The following PHOSPHO2 variants were observed in gnomAD, a reference collection of about 807,000 sequenced individuals.
The protein encoded by PHOSPHO2 is phosphatase, orphan 2.
A neutral mutation model predicts 16.4 loss-of-function variants in PHOSPHO2; 14 were observed. That is an observed-to-expected ratio of 0.85 (90% CI 0.56 to 1.33). The LOEUF (loss-of-function observed/expected upper bound fraction) is 1.33, where lower values mean the gene tolerates loss of function less well. Among genes scored for constraint, PHOSPHO2 ranks in the 40% most tolerant of loss-of-function variants. The pLI is 0.00. For synonymous variants in PHOSPHO2, 85 were observed against 90.5 expected, an observed-to-expected ratio of 0.94 and a Z score of 0.34; for missense variants, 246 against 282.5, an observed-to-expected ratio of 0.87 and a Z score of 0.93.
chr2:169,699,685 C>CA (rs1687676231), intron 3 of PHOSPHO2, among the ~76,000 whole-genome samples: 1 of 152,126 alleles, frequency 6.6e-6, no homozygotes, highest in South Asian at 2.1e-4. Context: ...ACCTTGCCAG[C>CA]ATCTGTTATT....
At chr2:169,699,710 T>C (rs185185900) in intron 3 of PHOSPHO2, among the ~76,000 whole-genome samples, 1 of 152,340 alleles carries the variant, frequency 6.6e-6, no homozygotes, top group African/African-American at 2.4e-5. Context: ...GGCTTTTTAA[T>C]AATAGCCATT....
chr2:169,701,034 G>C lies in PHOSPHO2; in HGVS notation c.63G>C (p.Trp21Cys). The C allele has an allele frequency of 6.2e-7, 1 of 1,613,484 alleles. No homozygotes were observed. Among genetic ancestry groups the C allele is most frequent in the Non-Finnish European group, 8.5e-7 (1 of 1,179,922 alleles). ...NTIIDDNSDTWIVQCAPNKKL... is the reference protein window; with the variant it reads ...NTIIDDNSDTCIVQCAPNKKL... ...TCATAGATGACAATAGTGACACTTG[G>C]ATTGTACAATGTGCTCCCAACAAAA... is the stretch of plus-strand genomic sequence containing the variant. The change falls in exon 4 of 4, where the codon TGG (tryptophan) becomes TGC (cysteine). Residue 21 changes from tryptophan (W) to cysteine (C), a missense_variant. By Grantham distance (215) the Trp-to-Cys change is radical (BLOSUM62 -2). Transcript: ENST00000359744.
At chr2:169,696,741 G>T (rs1687551802) in intron 2 of PHOSPHO2, among the ~76,000 whole-genome samples, 1 of 152,096 alleles carries the variant, frequency 6.6e-6, no homozygotes, top group Non-Finnish European at 1.5e-5. Context: ...TTAATTTTTG[G>T]AGACATTTTA....
In PHOSPHO2 at chr2:169,701,326, G is replaced by C; in HGVS notation, c.355G>C (p.Asp119His). The change falls in exon 4 of 4, where the codon GAT (aspartate) becomes CAT (histidine). Residue 119 changes from aspartate to histidine, a missense_variant. Coordinates refer to ENST00000359744, the MANE Select transcript of PHOSPHO2 (RefSeq NM_001008489.4). ...AGCTGCCAGTTTTCATGACATATTT[G>C]ATAAAGTGTTTACAAATCCAGCAGC... ...LEAASFHDIF[D>H]KVFTNPAAFN... 2 of 1,612,802 alleles carry C rather than the reference G, an allele frequency of 1.2e-6. No homozygotes were observed. Among genetic ancestry groups the C allele is most frequent in the Non-Finnish European group, 1.7e-6 (2 of 1,179,594 alleles).
intron 3 of PHOSPHO2, among the ~76,000 whole-genome samples, chr2:169,699,535 A>G (rs1432546655): frequency 4.6e-5 from 7 of 152,150 alleles, no homozygotes; most frequent in African/African-American, 9.7e-5. Context: ...TTGGGTATAT[A>G]CCCAGTAATG....
intron 2 of PHOSPHO2, among the ~76,000 whole-genome samples, chr2:169,696,124 A>G (rs1307797089): frequency 2.0e-5 from 3 of 152,208 alleles, no homozygotes; most frequent in Non-Finnish European, 2.9e-5. Flanking sequence ...CCAATTTGAC[A>G]TGGTGGTCAG....
At chr2:169,700,855 A>G in intron 3 of PHOSPHO2, 91 bp from the exon 4 acceptor site, 1 of 1,243,212 alleles carries the variant, frequency 8.0e-7, no homozygotes, top group Non-Finnish European at 1.1e-6. Flanking sequence ...TCCCTTTAGC[A>G]GATTAACATT....
Position 169,701,361 on chromosome 2 carries a change from C to G in PHOSPHO2, c.390C>G (p.Ser130Arg), listed in dbSNP as rs1187742019. The G allele has an allele frequency of 6.2e-7, 1 of 1,613,416 alleles. No individual in the cohort carries two copies. The highest frequency in any genetic ancestry group is 1.3e-5 in the African/African-American group (1 of 74,892). ...TTACAAATCCAGCAGCTTTTAATAGCAATGGTCATCTCACTGTTGAAAATT... is the reference window on the plus strand; with the variant it reads ...TTACAAATCCAGCAGCTTTTAATAGGAATGGTCATCTCACTGTTGAAAATT... ...KVFTNPAAFN[S>R]NGHLTVENYH... The change falls in exon 4 of 4, where the codon AGC (serine) becomes AGG (arginine). Residue 130 changes from serine (S) to arginine (R), a missense_variant. By Grantham distance (110) the Ser-to-Arg change is moderately radical. Transcript: ENST00000359744.
chr2:169,699,994 G>A (rs890971237), intron 3 of PHOSPHO2, among the ~76,000 whole-genome samples: 1 of 152,152 alleles, frequency 6.6e-6, no homozygotes, highest in African/African-American at 2.4e-5. Flanking sequence ...GGAGCTAAAG[G>A]TGTAAGAGAA....
intron 1 of PHOSPHO2, among the ~76,000 whole-genome samples, 198 bp from the exon 2 acceptor site, chr2:169,695,017 G>A (rs1687462314): frequency 6.6e-6 from 1 of 152,184 alleles, no homozygotes; most frequent in African/African-American, 2.4e-5. Flanking sequence ...CATGACCACA[G>A]AAATCTGTTA....
Position 169,701,046 on chromosome 2 carries a change from T to C in PHOSPHO2, c.75T>C (p.Cys25=). 2 of 1,613,816 alleles carry C rather than the reference T, an allele frequency of 1.2e-6. No homozygotes were observed. The highest frequency in any genetic ancestry group is 2.2e-5 in the South Asian group (2 of 91,066). Residue 25 remains cysteine (C), a synonymous_variant, in exon 4 of 4, where the codon TGT becomes TGC. Transcript: ENST00000359744. Reference sequence around the variant, plus strand: ...ATAGTGACACTTGGATTGTACAATGTGCTCCCAACAAAAAGCTTCCTATTG... The same window carrying C: ...ATAGTGACACTTGGATTGTACAATGCGCTCCCAACAAAAAGCTTCCTATTG... ...DDNSDTWIVQ[C]APNKKLPIEL...
At position 169,701,252 on chromosome 2, in the gene PHOSPHO2, G is replaced by T. The variant is rs1250121933; in HGVS notation, c.281G>T (p.Cys94Phe). 6.2e-7 allele frequency: 1 copy of T among 1,613,748 alleles called. No homozygotes were observed. The highest frequency in any genetic ancestry group is 1.1e-5 in the South Asian group (1 of 90,992). ...AGAAAGAATAAGGATAAATTTGACT[G>T]CATTATTATTTCAGATTCAAATTCG... ...FIRKNKDKFD[C>F]IIISDSNSVF... Residue 94 changes from cysteine to phenylalanine, a missense_variant, in exon 4 of 4, where the codon TGC becomes TTC. Coordinates refer to ENST00000359744, the MANE Select transcript of PHOSPHO2 (RefSeq NM_001008489.4).
chr2:169,694,575 C>T lies in PHOSPHO2; in HGVS notation c.-278C>T, dbSNP rs569584617. On this transcript the variant is annotated 5_prime_UTR_variant, in exon 1 of 4. Coordinates refer to ENST00000359744, the MANE Select transcript of PHOSPHO2 (RefSeq NM_001008489.4). The stretch of plus-strand genomic sequence containing the variant: ...GTGGGGCGAGGCCAAAGGACTGAAC[C>T]CGCAGGAGCGTCACGGGCGCCGGGG... The T allele has an allele frequency of 6.9e-6, 4 of 577,566 alleles. No individual in the cohort carries two copies. The highest frequency in any genetic ancestry group is 1.2e-5 in the Non-Finnish European group (4 of 321,958). 35.8% of individuals were successfully genotyped at this position (577,566 alleles called of 1,614,324 possible). A position where few individuals can be genotyped will look rare whatever the true frequency, so the allele number is the denominator to read the frequency against.
rs147796452 is a variant in PHOSPHO2 at position 169,701,566 on chromosome 2, C to A, written c.595C>A (p.Arg199=). The A allele has an allele frequency of 1.4e-3, 2,287 of 1,612,704 alleles. 32 individuals carry two copies. The South Asian group carries it at 0.015, about 10-fold the overall frequency. Residue 199 remains arginine (R), a synonymous_variant, in exon 4 of 4, where the codon CGG becomes AGG. Coordinates refer to ENST00000359744, the MANE Select transcript of PHOSPHO2 (RefSeq NM_001008489.4). ...AAAGAATGATGATGTTGCCATGCCA[C>A]GGAAAGGATATACCTTACAGAAAAC... The part of the protein sequence containing the change: ...FLKNDDVAMP[R]KGYTLQKTLS...
intron 2 of PHOSPHO2, among the ~76,000 whole-genome samples, chr2:169,695,621 G>C (rs1304700592): frequency 1.3e-5 from 2 of 149,238 alleles, no homozygotes; most frequent in Non-Finnish European, 3.0e-5. Flanking sequence ...CTGGGCGACA[G>C]AGCGAGACTC....
rs1687451464 is a variant in PHOSPHO2, at chr2:169,694,806, T to G, written c.-231+184T>G. 1.3e-5 allele frequency: 3 copies of G among 222,834 alleles called. No individual in the cohort carries two copies. In the South Asian group the frequency reaches 2.0e-4, roughly 15 times the overall value. 13.8% of individuals were successfully genotyped at this position (222,834 alleles called of 1,614,324 possible). A position where few individuals can be genotyped will look rare whatever the true frequency, so the allele number is the denominator to read the frequency against. ...CGCAGATCTCCTCGCGGGTGGAGTG[T>G]GAGGAGCAAAGCCCTCCCTTAACTA... On this transcript the variant is annotated intron_variant, in intron 1 of 3. Transcript: ENST00000359744.
At position 169,701,282 on chromosome 2, in the gene PHOSPHO2, T is replaced by C; in HGVS notation, c.311T>C (p.Phe104Ser). 6.2e-7 allele frequency: 1 copy of C among 1,613,342 alleles called. No individual in the cohort carries two copies. The highest frequency in any genetic ancestry group is 8.5e-7 in the Non-Finnish European group (1 of 1,179,664). Residue 104 changes from phenylalanine (F) to serine (S), a missense_variant, in exon 4 of 4, where the codon TTC becomes TCC. Transcript: ENST00000359744. ...CIIISDSNSV[F>S]IDWVLEAASF... Reference sequence around the variant, plus strand: ...ATTATTTCAGATTCAAATTCGGTCTTCATAGATTGGGTTTTAGAAGCTGCC... The same window carrying C: ...ATTATTTCAGATTCAAATTCGGTCTCCATAGATTGGGTTTTAGAAGCTGCC...
chr2:169,696,976 C>G (rs754761445), intron 2 of PHOSPHO2, among the ~76,000 whole-genome samples: 5 of 151,712 alleles, frequency 3.3e-5, no homozygotes, highest in African/African-American at 4.8e-5. Flanking sequence ...AGATGCTTTT[C>G]TGACATTAGA....
intron 3 of PHOSPHO2, among the ~76,000 whole-genome samples, chr2:169,699,452 T>C (rs990848925): frequency 2.6e-5 from 4 of 152,226 alleles, no homozygotes; most frequent in African/African-American, 9.6e-5. Flanking sequence ...ATCCCATGTC[T>C]TTGCTATTGT....
Sources: allele counts gnomAD v4.1 joint callset (sites outside exome capture counted in the v4.1 genomes callset), GRCh38; gene constraint gnomAD v4.1.1; transcripts MANE v1.5; gene names NCBI Gene and HGNC (gene_info 2026-07-23, HGNC 2026-07-21).